Variants in FCHO2 observed in about 807,000 individuals in gnomAD.
FCHO2 encodes the protein F-BAR domain only protein 2.
In FCHO2, 43 loss-of-function variants were observed where a neutral mutation model predicts 114.1. The observed-to-expected ratio is 0.38, with a 90% CI of 0.30 to 0.49. The LOEUF (loss-of-function observed/expected upper bound fraction) is 0.49. FCHO2 is among the 20% of genes least tolerant of loss of function. The pLI, the probability that FCHO2 is intolerant of heterozygous loss-of-function variation, is 0.97. For synonymous variants in FCHO2, 293 were observed against 315.2 expected, an observed-to-expected ratio of 0.93 and a Z score of 0.75; for missense variants, 807 against 950.4, an observed-to-expected ratio of 0.85 and a Z score of 1.98.
intron 18 of FCHO2, among the ~76,000 whole-genome samples, chr5:73,067,031 A>G (rs918318600): frequency 2.6e-5 from 4 of 152,038 alleles, no homozygotes; most frequent in Non-Finnish European, 4.4e-5. Context: ...AACACATTCA[A>G]TATGAAAATT....
chr5:72,979,528 A>G (rs1349980911), intron 2 of FCHO2, among the ~76,000 whole-genome samples: 3 of 149,462 alleles, frequency 2.0e-5, no homozygotes, highest in African/African-American at 7.4e-5. Flanking sequence ...AGTAGCTGGG[A>G]CTACAGGCGC....
chr5:73,058,116 T>G (rs1757686635), intron 16 of FCHO2, among the ~76,000 whole-genome samples: 1 of 152,042 alleles, frequency 6.6e-6, no homozygotes, highest in Admixed American at 6.6e-5. Context: ...GCTCAAGTGA[T>G]CTTCCTTAGC....
chr5:73,032,737 T>C (rs2112789546), intron 8 of FCHO2, among the ~76,000 whole-genome samples: 1 of 152,340 alleles, frequency 6.6e-6, no homozygotes, highest in East Asian at 1.9e-4. Context: ...GCGTGTGGCC[T>C]GAGCATTAGA....
chr5:72,980,228 T>C (rs999354501), intron 2 of FCHO2, among the ~76,000 whole-genome samples: 7 of 152,218 alleles, frequency 4.6e-5, no homozygotes, highest in Non-Finnish European at 8.8e-5. Flanking sequence ...AGGAGCAGGT[T>C]GTTCAGTTTC....
intron 13 of FCHO2, among the ~76,000 whole-genome samples, chr5:73,053,231 A>T (rs549577831): frequency 4.7e-4 from 71 of 152,324 alleles, no homozygotes; most frequent in Non-Finnish European, 8.1e-4. Flanking sequence ...TATTTTATGT[A>T]GTTACATGTA....
Position 73,017,279 on chromosome 5 carries a change from A to G in FCHO2, c.767A>G (p.Glu256Gly). The G allele has an allele frequency of 6.4e-7, 1 of 1,566,724 alleles. No homozygotes were observed. Among genetic ancestry groups the G allele is most frequent in the Non-Finnish European group, 8.7e-7 (1 of 1,154,854 alleles). ...GAAAGTTTGATACAAAAATTTGCTG[A>G]GTCAAAAGGCACTGGGAAGGAAAGA... ...TVESLIQKFA[E>G]SKGTGKERPG... Residue 256 changes from glutamate to glycine, a missense_variant, in exon 8 of 26, where the codon GAG (glutamate) becomes GGG (glycine). Glu to Gly is a moderately conservative substitution (Grantham distance 98). Transcript: ENST00000430046.
chr5:73,083,483 T>G (rs1337968883), intron 24 of FCHO2, among the ~76,000 whole-genome samples: 1 of 152,226 alleles, frequency 6.6e-6, no homozygotes, highest in South Asian at 2.1e-4. Flanking sequence ...GAACTCTATG[T>G]TCCATGTAGG....
intron 11 of FCHO2, among the ~76,000 whole-genome samples, chr5:73,042,722 A>G (rs1349670671): frequency 2.0e-5 from 3 of 152,206 alleles, no homozygotes; most frequent in East Asian, 3.9e-4. Context: ...GCTTTCATTT[A>G]TAAAGTTTAT....
chr5:73,020,437 T>A (rs962057380), intron 8 of FCHO2, among the ~76,000 whole-genome samples: 2 of 152,128 alleles, frequency 1.3e-5, no homozygotes, highest in Admixed American at 1.3e-4. Context: ...AGCAGCAGAA[T>A]GGGGAAAAAG....
At chr5:72,983,849 T>C (rs1330229997) in intron 2 of FCHO2, among the ~76,000 whole-genome samples, 1 of 152,032 alleles carries the variant, frequency 6.6e-6, no homozygotes, top group African/African-American at 2.4e-5. Flanking sequence ...GTTTTGCACA[T>C]ATGTCCTGGT....
intron 17 of FCHO2, among the ~76,000 whole-genome samples, chr5:73,061,787 T>G (rs1757863956): frequency 6.6e-6 from 1 of 152,130 alleles, no homozygotes; most frequent in African/African-American, 2.4e-5. Flanking sequence ...AAAATACTTT[T>G]AGGTTTCCTA....
At chr5:73,032,886 A>G (rs965197086) in intron 8 of FCHO2, among the ~76,000 whole-genome samples, 2 of 152,144 alleles carry the variant, frequency 1.3e-5, no homozygotes, top group Non-Finnish European at 2.9e-5. Context: ...CTCAAGCTTT[A>G]TTAGTACTTG....
Position 73,052,490 on chromosome 5 carries a change from C to G in FCHO2, c.1156C>G (p.Leu386Val). 3 of 1,590,442 alleles carry G rather than the reference C, an allele frequency of 1.9e-6. No individual in the cohort carries two copies. Among genetic ancestry groups the G allele is most frequent in the Non-Finnish European group, 2.6e-6 (3 of 1,167,504 alleles). Residue 386 changes from leucine to valine, a missense_variant, in exon 13 of 26, where the codon CTC becomes GTC. Coordinates refer to ENST00000430046, the MANE Select transcript of FCHO2 (RefSeq NM_138782.3). ...AAAAGTATCTATAGGGAATATAACA[C>G]TCTCCCCAGCAATATCTGTAAGTAC... is the stretch of plus-strand genomic sequence containing the variant. ...ELKVSIGNIT[L>V]SPAISRHSPV...
At chr5:73,033,391 G>C (rs1216492857) in intron 8 of FCHO2, among the ~76,000 whole-genome samples, 3 of 152,134 alleles carry the variant, frequency 2.0e-5, no homozygotes, top group African/African-American at 7.2e-5. Context: ...TTAGGTTTAG[G>C]GGGAGGGAGA....
chr5:72,981,851 C>CT (rs1345772711), intron 2 of FCHO2, among the ~76,000 whole-genome samples: 4 of 152,112 alleles, frequency 2.6e-5, no homozygotes, highest in African/African-American at 9.7e-5. Context: ...TTCGTCTAAC[C>CT]TTTTTTCAAG....
chr5:73,083,279 A>G (rs1743185103), intron 24 of FCHO2, among the ~76,000 whole-genome samples: 1 of 152,186 alleles, frequency 6.6e-6, no homozygotes, highest in Admixed American at 6.5e-5. Flanking sequence ...AGTTCTAGAA[A>G]TGACCACTAG....
chr5:73,029,479 T>C (rs1756114371), intron 8 of FCHO2, among the ~76,000 whole-genome samples: 1 of 152,258 alleles, frequency 6.6e-6, no homozygotes, highest in South Asian at 2.1e-4. Context: ...CCTATTTCTT[T>C]GATTTAAGAC....
rs977383196 is a variant in FCHO2, at chr5:72,980,696, T to C, written c.126-8731T>C. On this transcript the variant is annotated intron_variant, in intron 2 of 25. Transcript: ENST00000430046. The stretch of plus-strand genomic sequence containing the variant: ...TGATGCATTGATACCTTTACTGTTA[T>C]GTAATGGCCTTTGTCTCTTTTGATC... 3.3e-5 allele frequency among the ~76,000 whole-genome samples: 5 copies of C among 152,214 alleles called. 1 individual carries two copies. In the South Asian group the frequency reaches 6.2e-4, roughly 19 times the overall value.
At position 72,956,065 on chromosome 5, in the gene FCHO2, G is replaced by C; in HGVS notation, c.-32G>C. 1 of 1,539,242 alleles carries C rather than the reference G, an allele frequency of 6.5e-7. No individual in the cohort carries two copies. ...CGTGTTTACACAGCGGCGGGCGGGC[G>C]CGGACGCGGAACCCGGCGCGGCGGC... On this transcript the variant is annotated 5_prime_UTR_variant, in exon 1 of 26. Coordinates refer to ENST00000430046, the MANE Select transcript of FCHO2 (RefSeq NM_138782.3).
Sources: gnomAD v4.1 joint callset for allele counts (sites outside exome capture counted in the v4.1 genomes callset) on GRCh38, gnomAD v4.1.1 for gene constraint, MANE v1.5 for transcripts, NCBI Gene and HGNC (gene_info 2026-07-23, HGNC 2026-07-21) for gene names.